CNTN4: variants seen among roughly 807,000 people sequenced by gnomAD.
CNTN4 encodes contactin-4.
In CNTN4, 77 loss-of-function variants were observed where a neutral mutation model predicts 122.5. That is an observed-to-expected ratio of 0.63 (90% CI 0.52 to 0.76). The LOEUF (loss-of-function observed/expected upper bound fraction) is 0.76, where lower values mean the gene tolerates loss of function less well. CNTN4 is among the 30% of genes least tolerant of loss of function. CNTN4 has a pLI of 0.00. For synonymous variants in CNTN4, 512 were observed against 447.0 expected (o/e 1.15, Z -1.83); for missense variants, 1,256 against 1,259.1 (o/e 1.00, Z 0.04).
At chr3:2,257,816 C>T (rs2040661196) in intron 2 of CNTN4, among the ~76,000 whole-genome samples, 1 of 152,104 alleles carries the variant, frequency 6.6e-6, no homozygotes, top group African/African-American at 2.4e-5. Context: ...GTAATCTTAG[C>T]ACCTTGGGAG....
intron 3 of CNTN4, among the ~76,000 whole-genome samples, chr3:2,455,477 T>G (rs2151389807): frequency 6.6e-6 from 1 of 152,168 alleles, no homozygotes; most frequent in African/African-American, 2.4e-5. Flanking sequence ...CTAGTCTTTT[T>G]TCTTTTTTTT....
At chr3:2,487,917 G>C (rs1559599840) in intron 3 of CNTN4, among the ~76,000 whole-genome samples, 1 of 152,176 alleles carries the variant, frequency 6.6e-6, no homozygotes, top group Non-Finnish European at 1.5e-5. Context: ...CATTTAGAGA[G>C]TTATATTATG....
intron 4 of CNTN4, among the ~76,000 whole-genome samples, chr3:2,668,200 A>G (rs1340117743): frequency 2.0e-5 from 3 of 152,082 alleles, no homozygotes; most frequent in African/African-American, 4.8e-5. Flanking sequence ...CCATTTTCAC[A>G]ATATTGATTC....
At chr3:2,642,519 A>G (rs1245194412) in intron 4 of CNTN4, among the ~76,000 whole-genome samples, 1 of 152,178 alleles carries the variant, frequency 6.6e-6, no homozygotes, top group Non-Finnish European at 1.5e-5. Context: ...TATATAGACT[A>G]TCTCACATCT....
chr3:2,760,010 T>A (rs1214716359), intron 6 of CNTN4, among the ~76,000 whole-genome samples: 1 of 152,240 alleles, frequency 6.6e-6, no homozygotes, highest in Non-Finnish European at 1.5e-5. Flanking sequence ...CTTTGCTCAT[T>A]TTTAATCCTT....
intron 2 of CNTN4, among the ~76,000 whole-genome samples, chr3:2,151,952 C>G (rs75744177): frequency 0.029 from 4,341 of 152,274 alleles, 199 homozygotes; most frequent in African/African-American, 0.093. Flanking sequence ...TTAACAGCAA[C>G]AGGCTAAGAC....
chr3:2,383,294 C>T (rs2046099409), intron 3 of CNTN4, among the ~76,000 whole-genome samples: 1 of 152,096 alleles, frequency 6.6e-6, no homozygotes, highest in African/African-American at 2.4e-5. Flanking sequence ...ATTTATCCAA[C>T]CTCTGTTTAA....
intron 2 of CNTN4, chr3:2,132,387 G>A (rs1559273623): frequency 6.6e-6 from 1 of 152,180 alleles, no homozygotes; most frequent in Non-Finnish European, 1.5e-5. Context: ...ATAATCCACG[G>A]TAATAAGTCA....
chr3:2,795,450 A>G (rs1395065994), intron 6 of CNTN4, among the ~76,000 whole-genome samples: 2 of 151,850 alleles, frequency 1.3e-5, no homozygotes, highest in Non-Finnish European at 2.9e-5. Flanking sequence ...TCTATAATCT[A>G]TTCTGTTAAA....
intron 2 of CNTN4, among the ~76,000 whole-genome samples, chr3:2,327,963 A>T (rs1005073573): frequency 3.9e-5 from 6 of 152,224 alleles, no homozygotes; most frequent in Admixed American, 3.9e-4. Context: ...TAAGACCCTC[A>T]TCTGGAGGAG....
intron 5 of CNTN4, among the ~76,000 whole-genome samples, chr3:2,736,691 A>C (rs1003206296): frequency 6.6e-6 from 1 of 151,776 alleles, no homozygotes; most frequent in African/African-American, 2.4e-5. Flanking sequence ...TTGAACTCCC[A>C]ACCTCAGGTG....
chr3:2,681,400 T>C (rs1211222066), intron 4 of CNTN4, among the ~76,000 whole-genome samples: 1 of 152,130 alleles, frequency 6.6e-6, no homozygotes. Context: ...CAAGGGCACA[T>C]GGGCTCTCAA....
At chr3:2,193,039 G>A (rs2037659501) in intron 2 of CNTN4, among the ~76,000 whole-genome samples, 1 of 152,040 alleles carries the variant, frequency 6.6e-6, no homozygotes, top group Admixed American at 6.6e-5. Context: ...TAGTGTATCA[G>A]CCATGGGAAG....
At chr3:2,916,775 G>GGCT (rs1482983893) in intron 12 of CNTN4, among the ~76,000 whole-genome samples, 17 of 142,418 alleles carry the variant, frequency 1.2e-4, no homozygotes, top group African/African-American at 4.8e-4. Flanking sequence ...CAGTAGGGGC[G>GGCT]GCCGGGCAGA....
At chr3:2,186,777 TG>T (rs1210932738) in intron 2 of CNTN4, among the ~76,000 whole-genome samples, 17 of 152,208 alleles carry the variant, frequency 1.1e-4, no homozygotes, top group African/African-American at 3.9e-4. Context: ...TTGATGGGGT[TG>T]TTTTTTTCTT....
intron 7 of CNTN4, among the ~76,000 whole-genome samples, chr3:2,855,030 G>A (rs924804251): frequency 3.3e-5 from 5 of 152,128 alleles, no homozygotes; most frequent in Non-Finnish European, 5.9e-5. Context: ...CTGATGGTAC[G>A]AGTGACCCGT....
chr3:3,009,126 T>A, intron 14 of CNTN4: 1 of 663,088 alleles, frequency 1.5e-6, no homozygotes, highest in Non-Finnish European at 1.9e-6. Flanking sequence ...GACTGGAGAG[T>A]AGGGGCCAAT....
intron 3 of CNTN4, among the ~76,000 whole-genome samples, chr3:2,535,149 G>C (rs1264082938): frequency 1.3e-5 from 2 of 152,094 alleles, no homozygotes; most frequent in Admixed American, 6.6e-5. Context: ...CGTCTTCTGA[G>C]AGCTAGTTGC....
chr3:2,940,248 G>A (rs559403285), intron 13 of CNTN4, among the ~76,000 whole-genome samples: 14 of 152,336 alleles, frequency 9.2e-5, no homozygotes, highest in South Asian at 8.3e-4. Flanking sequence ...GGAGAACCAC[G>A]AAATAGGGCT....
Sources: gnomAD v4.1 joint callset for allele counts (sites outside exome capture counted in the v4.1 genomes callset) on GRCh38, gnomAD v4.1.1 for gene constraint, MANE v1.5 for transcripts, NCBI Gene and HGNC (gene_info 2026-07-23, HGNC 2026-07-21) for gene names.